Variants in RARB observed in about 807,000 individuals in gnomAD.
RARB encodes retinoic acid receptor beta.
Under a neutral mutation model 51.9 loss-of-function variants are expected in RARB, and 17 were observed. The observed-to-expected ratio is 0.33, with a 90% confidence interval of 0.22 to 0.49. The LOEUF (loss-of-function observed/expected upper bound fraction) is 0.49. RARB is among the 20% of genes least tolerant of loss of function. The probability of loss-of-function intolerance (pLI) is 0.99; values close to 1 mark genes in which losing one functional copy is unlikely to be tolerated. For missense variants in RARB, 369 were observed against 550.8 expected (o/e 0.67, Z 3.30); for synonymous variants, 215 against 195.4 (o/e 1.10, Z -0.84).
intron 3 of RARB, among the ~76,000 whole-genome samples, chr3:25,531,820 G>A (rs1027537321): frequency 6.6e-6 from 1 of 151,978 alleles, no homozygotes; most frequent in East Asian, 1.9e-4. Flanking sequence ...AATTTGAGAG[G>A]GGCAAAGAAG....
intron 3 of RARB, among the ~76,000 whole-genome samples, chr3:25,068,852 G>T (rs1359859675): frequency 6.6e-6 from 1 of 151,840 alleles, no homozygotes; most frequent in East Asian, 1.9e-4. Flanking sequence ...ATTCTTTATG[G>T]TTAGTATCAG....
chr3:25,416,566 G>C (rs1707709755), intron 5 of RARB, among the ~76,000 whole-genome samples: 1 of 152,186 alleles, frequency 6.6e-6, no homozygotes, highest in East Asian at 1.9e-4. Flanking sequence ...TTTCTCTAAA[G>C]GTACAGATTG....
intron 1 of RARB, among the ~76,000 whole-genome samples, chr3:24,844,345 T>C (rs571748272): frequency 6.6e-6 from 1 of 152,358 alleles, no homozygotes; most frequent in African/African-American, 2.4e-5. Context: ...AACAGTTTTC[T>C]CTTGGTGATA....
chr3:25,580,450 A>G, intron 4 of RARB, 96 bp from the exon 5 acceptor site: 1 of 1,216,046 alleles, frequency 8.2e-7, no homozygotes, highest in South Asian at 1.7e-5. Flanking sequence ...CTCAAGGCTG[A>G]CATGTCACCC....
At chr3:25,164,529 T>G (rs981500964) in intron 4 of RARB, among the ~76,000 whole-genome samples, 2 of 152,212 alleles carry the variant, frequency 1.3e-5, no homozygotes, top group East Asian at 3.8e-4. Context: ...GCTTTTTTGT[T>G]GTCTTGACTT....
At chr3:24,913,215 A>C (rs1165869926) in intron 2 of RARB, among the ~76,000 whole-genome samples, 3 of 150,868 alleles carry the variant, frequency 2.0e-5, no homozygotes, top group African/African-American at 7.3e-5. Flanking sequence ...CGATCTCCTG[A>C]CCTCCTGATC....
intron 2 of RARB, among the ~76,000 whole-genome samples, chr3:25,466,580 T>C (rs1695442691): frequency 6.6e-6 from 1 of 152,246 alleles, no homozygotes. Context: ...ACTGTTCTTG[T>C]AGTGTTCTTT....
intron 3 of RARB, among the ~76,000 whole-genome samples, chr3:25,545,941 T>A (rs1451182822): frequency 1.3e-5 from 2 of 151,460 alleles, no homozygotes; most frequent in East Asian, 3.9e-4. Flanking sequence ...GGGAATCAGG[T>A]TGTAATTTTT....
intron 3 of RARB, among the ~76,000 whole-genome samples, chr3:25,504,699 A>C (rs1697486917): frequency 1.3e-5 from 2 of 152,000 alleles, no homozygotes; most frequent in South Asian, 4.1e-4. Flanking sequence ...AAACTGAGAA[A>C]ATTTAAGAAT....
chr3:25,332,800 CT>C (rs1289752816), intron 5 of RARB, among the ~76,000 whole-genome samples: 1 of 152,168 alleles, frequency 6.6e-6, no homozygotes, highest in Non-Finnish European at 1.5e-5. Context: ...CCAAAATCTC[CT>C]TAAGCTGTTA....
intron 2 of RARB, among the ~76,000 whole-genome samples, chr3:25,478,566 C>T (rs1696074251): frequency 6.6e-6 from 1 of 152,190 alleles, no homozygotes; most frequent in East Asian, 1.9e-4. Context: ...AGTTAAATGG[C>T]GGATGGACAT....
At chr3:25,444,771 A>G (rs1559405741) in intron 1 of RARB, among the ~76,000 whole-genome samples, 1 of 152,202 alleles carries the variant, frequency 6.6e-6, no homozygotes, top group Non-Finnish European at 1.5e-5. Flanking sequence ...GGGTATGTGC[A>G]AGTGATAGGC....
At chr3:25,198,064 A>G (rs902941373) in intron 5 of RARB, among the ~76,000 whole-genome samples, 1 of 152,126 alleles carries the variant, frequency 6.6e-6, no homozygotes, top group Admixed American at 6.6e-5. Context: ...TGGTACTGGC[A>G]CAAGAACAGA....
intron 3 of RARB, among the ~76,000 whole-genome samples, chr3:25,527,551 A>C (rs1003985252): frequency 3.3e-5 from 5 of 152,166 alleles, no homozygotes; most frequent in Admixed American, 6.5e-5. Flanking sequence ...TTAAGTACAA[A>C]ATGGGGCTGA....
intron 4 of RARB, among the ~76,000 whole-genome samples, chr3:25,138,926 G>T (rs1035276872): frequency 6.6e-6 from 1 of 152,038 alleles, no homozygotes; most frequent in African/African-American, 2.4e-5. Flanking sequence ...CTCACTTCCT[G>T]TCTCTGTCAC....
chr3:24,954,935 T>C (rs2125407843), intron 2 of RARB, among the ~76,000 whole-genome samples: 1 of 152,126 alleles, frequency 6.6e-6, no homozygotes, highest in South Asian at 2.1e-4. Context: ...GACGACAGTA[T>C]CTAGGGGTGT....
intron 1 of RARB, among the ~76,000 whole-genome samples, chr3:25,448,268 A>G (rs907430709): frequency 7.2e-5 from 11 of 152,120 alleles, no homozygotes; most frequent in African/African-American, 2.4e-5. Flanking sequence ...ACTGCTCTCA[A>G]TTGGAAGGTT....
At chr3:24,889,129 A>G (rs1285516880) in intron 2 of RARB, among the ~76,000 whole-genome samples, 1 of 152,148 alleles carries the variant, frequency 6.6e-6, no homozygotes, top group Non-Finnish European at 1.5e-5. Context: ...AGCCCACCAA[A>G]TGGGTGGATT....
intron 5 of RARB, among the ~76,000 whole-genome samples, chr3:25,237,532 T>C (rs986790660): frequency 6.6e-6 from 1 of 152,158 alleles, no homozygotes; most frequent in Non-Finnish European, 1.5e-5. Flanking sequence ...CCTCCAAAAA[T>C]ATAATGTAAA....
Sources: allele counts gnomAD v4.1 joint callset (sites outside exome capture counted in the v4.1 genomes callset), GRCh38; gene constraint gnomAD v4.1.1; transcripts MANE v1.5; gene names NCBI Gene and HGNC (gene_info 2026-07-23, HGNC 2026-07-21).